Variants in KIF26B observed in about 807,000 individuals in gnomAD.
KIF26B encodes kinesin family member 26B, also known as kinesin-like protein KIF26B.
In KIF26B, 63 loss-of-function variants were observed where a neutral mutation model predicts 151.2. The ratio of observed to expected loss-of-function variants is 0.42; its 90% confidence interval spans 0.34 to 0.51. The LOEUF is 0.51. Among genes scored for constraint, KIF26B ranks in the 20% least tolerant of loss-of-function variants. KIF26B has a pLI of 0.07. For synonymous variants in KIF26B, 1,357 were observed against 1,262.1 expected (o/e 1.08, Z -1.59); for missense variants, 2,813 against 2,913.6 (o/e 0.97, Z 0.79).
At position 245,169,328 on chromosome 1, in the gene KIF26B, G is replaced by GGTGT. The variant is rs58501579; in HGVS notation, c.465+12677_465+12680dup. 3.8e-3 allele frequency among the ~76,000 whole-genome samples: 505 copies of GGTGT among 134,162 alleles called. 1 individual carries two copies. Among genetic ancestry groups the GGTGT allele is most frequent in the African/African-American group, 0.012 (436 of 35,032 alleles). The allele number at this position is 134,162 out of a possible 152,430, so 88.0% of individuals were successfully genotyped here. A position where few individuals can be genotyped will look rare whatever the true frequency, so the allele number is the denominator to read the frequency against. ...TGCACTCGACTTTCTAACGGGCCAT[G>GGTGT]GTGTGTGTGTGTGTGTGTGTGTGTG... On this transcript the variant is annotated intron_variant, in intron 2 of 14. Transcript: ENST00000407071.
chr1:245,242,072 C>T (rs1385646264), intron 2 of KIF26B, among the ~76,000 whole-genome samples: 1 of 152,186 alleles, frequency 6.6e-6, no homozygotes, highest in East Asian at 1.9e-4. Context: ...TTTAAAATAG[C>T]ATCTCAAAGC....
intron 4 of KIF26B, among the ~76,000 whole-genome samples, chr1:245,525,736 T>C (rs1396764799): frequency 1.4e-4 from 21 of 152,230 alleles, no homozygotes; most frequent in Admixed American, 1.4e-3. Flanking sequence ...TTTCACACAA[T>C]CTGTTCCTAG....
intron 3 of KIF26B, among the ~76,000 whole-genome samples, chr1:245,402,949 T>C (rs1674042468): frequency 6.6e-6 from 1 of 152,172 alleles, no homozygotes; most frequent in South Asian, 2.1e-4. Context: ...TGGAGTGAAT[T>C]CTAGACAGCT....
intron 5 of KIF26B, among the ~76,000 whole-genome samples, chr1:245,555,264 G>A (rs1012803445): frequency 1.8e-4 from 28 of 152,028 alleles, no homozygotes; most frequent in African/African-American, 6.3e-4. Flanking sequence ...AATTCTTTTC[G>A]TTTCAAGCAA....
intron 10 of KIF26B, among the ~76,000 whole-genome samples, chr1:245,663,403 T>A (rs1476758585): frequency 1.3e-5 from 2 of 152,178 alleles, no homozygotes; most frequent in Non-Finnish European, 2.9e-5. Flanking sequence ...TTTTTTTGTT[T>A]ATTTCTTTAA....
chr1:245,666,578 T>G (rs749420336), intron 10 of KIF26B, among the ~76,000 whole-genome samples: 2 of 152,096 alleles, frequency 1.3e-5, no homozygotes, highest in African/African-American at 4.8e-5. Flanking sequence ...TTCTGTGTGT[T>G]ACTGCAAAGG....
chr1:245,452,292 A>G (rs1659413369), intron 4 of KIF26B, among the ~76,000 whole-genome samples: 1 of 152,342 alleles, frequency 6.6e-6, no homozygotes, highest in African/African-American at 2.4e-5. Context: ...GAATAACAGC[A>G]TATCATTGTA....
chr1:245,420,430 C>T (rs1254438598), intron 4 of KIF26B, among the ~76,000 whole-genome samples: 1 of 152,122 alleles, frequency 6.6e-6, no homozygotes, highest in African/African-American at 2.4e-5. Context: ...ATGAGGAAAC[C>T]GAGGACCAGG....
intron 2 of KIF26B, among the ~76,000 whole-genome samples, chr1:245,247,833 A>G (rs1170529215): frequency 6.6e-6 from 1 of 152,192 alleles, no homozygotes; most frequent in African/African-American, 2.4e-5. Context: ...CTCAACCACT[A>G]TTTTATCGTG....
At chr1:245,547,124 A>T (rs922129006) in intron 5 of KIF26B, among the ~76,000 whole-genome samples, 1 of 152,254 alleles carries the variant, frequency 6.6e-6, no homozygotes, top group Non-Finnish European at 1.5e-5. Context: ...CAGAAGGGCC[A>T]TGCTATTTCT....
rs1171703785 is a variant in KIF26B at position 245,686,070 on chromosome 1, T to C, written c.3087T>C (p.Ser1029=). ...PASPRSVPGS[S]SQHSASPLVQ... ...CACCCAGGAGCGTCCCGGGCAGCAG[T>C]AGCCAGCACAGCGCCTCCCCACTCG... is the stretch of plus-strand genomic sequence containing the variant. Residue 1029 remains serine, a synonymous_variant, in exon 12 of 15, where the codon AGT becomes AGC. Transcript: ENST00000407071. The surrounding 1 kb of genome is among the most constrained non-coding windows in gnomAD (Gnocchi z 5.6). 1.3e-6 allele frequency: 2 copies of C among 1,599,248 alleles called. No individual in the cohort carries two copies. Among genetic ancestry groups the C allele is most frequent in the Admixed American group, 3.5e-5 (2 of 57,634 alleles).
chr1:245,227,075 C>T lies in KIF26B; in HGVS notation c.465+70392C>T, dbSNP rs933867220. ...CCATTCACTCAGTCCACCCCTAGCACGGGCCAGTCCTATGTCGTTTTTTGG... is the reference window on the plus strand; with the variant it reads ...CCATTCACTCAGTCCACCCCTAGCATGGGCCAGTCCTATGTCGTTTTTTGG... On this transcript the variant is annotated intron_variant, in intron 2 of 14. Transcript: ENST00000407071. The surrounding 1 kb of genome is among the most constrained non-coding windows in gnomAD (Gnocchi z 4.1). 1.3e-5 allele frequency among the ~76,000 whole-genome samples: 2 copies of T among 152,190 alleles called. No homozygotes were observed. Among genetic ancestry groups the T allele is most frequent in the Admixed American group, 6.5e-5 (1 of 15,280 alleles).
intron 3 of KIF26B, among the ~76,000 whole-genome samples, chr1:245,403,007 T>G (rs1236160221): frequency 6.6e-6 from 1 of 152,224 alleles, no homozygotes; most frequent in Non-Finnish European, 1.5e-5. Flanking sequence ...CTCACTCTGT[T>G]GCCCATGCTG....
intron 1 of KIF26B, among the ~76,000 whole-genome samples, chr1:245,155,822 G>C (rs1056086422): frequency 2.0e-5 from 3 of 152,236 alleles, no homozygotes; most frequent in African/African-American, 7.2e-5. Flanking sequence ...CTGGAGCCGT[G>C]AGAGCCTCTC....
At chr1:245,252,300 A>G (rs867333076) in intron 2 of KIF26B, among the ~76,000 whole-genome samples, 1,714 of 151,352 alleles carry the variant, frequency 0.011, 39 homozygotes, top group African/African-American at 0.038. Flanking sequence ...AAAAGAAAAA[A>G]GAAAATTGGT....
intron 12 of KIF26B, among the ~76,000 whole-genome samples, chr1:245,690,246 G>A (rs1377300609): frequency 6.6e-6 from 1 of 152,198 alleles, no homozygotes; most frequent in Non-Finnish European, 1.5e-5. Context: ...GTTGAAGCCA[G>A]GGCGGCCGGG....
chr1:245,473,143 C>CCA (rs1239650017), intron 4 of KIF26B, among the ~76,000 whole-genome samples: 1 of 152,156 alleles, frequency 6.6e-6, no homozygotes, highest in Non-Finnish European at 1.5e-5. Flanking sequence ...GTAGAGGTGT[C>CCA]AAGAGTAAGA....
chr1:245,635,821 G>T (rs552869630), intron 9 of KIF26B, among the ~76,000 whole-genome samples: 6 of 151,946 alleles, frequency 3.9e-5, no homozygotes, highest in Non-Finnish European at 8.8e-5. Flanking sequence ...TGGATGGGTT[G>T]CATTTTCATT....
rs531327856 is a variant in KIF26B, at chr1:245,390,133, G to C, written c.999+22766G>C. 2.8e-4 allele frequency among the ~76,000 whole-genome samples: 43 copies of C among 150,922 alleles called. 1 individual carries two copies. The South Asian group carries it at 8.6e-3, about 30-fold the overall frequency. ...AAGGTGGTCACGCCAAGCTATGCTGGTCATGCTATTACTCATTGTCATATA... is the reference window on the plus strand; with the variant it reads ...AAGGTGGTCACGCCAAGCTATGCTGCTCATGCTATTACTCATTGTCATATA... On this transcript the variant is annotated intron_variant, in intron 3 of 14. Transcript: ENST00000407071.
Sources: gnomAD v4.1 joint callset for allele counts (sites outside exome capture counted in the v4.1 genomes callset) on GRCh38, gnomAD v4.1.1 for gene constraint, Gnocchi (gnomAD v3.1) non-coding constraint, MANE v1.5 for transcripts, NCBI Gene and HGNC (gene_info 2026-07-23, HGNC 2026-07-21) for gene names.